Variants in WDR1 observed in about 807,000 individuals in gnomAD.
WDR1 encodes WD repeat domain 1, also known as WD repeat-containing protein 1.
In WDR1, 21 loss-of-function variants were observed where a neutral mutation model predicts 71.9. That is an observed-to-expected ratio of 0.29 (90% CI 0.21 to 0.42). WDR1 has a LOEUF of 0.42. WDR1 is among the 10% of genes least tolerant of loss of function. WDR1 has a pLI of 1.00. For synonymous variants in WDR1, 424 were observed against 347.4 expected (o/e 1.22, Z -2.45); for missense variants, 696 against 824.5 (o/e 0.84, Z 1.91).
At chr4:10,083,430 C>G (rs1440576996) in intron 9 of WDR1, among the ~76,000 whole-genome samples, 1 of 152,190 alleles carries the variant, frequency 6.6e-6, no homozygotes, top group Admixed American at 6.5e-5. Flanking sequence ...TACTGGGGAC[C>G]AGCAAGCTGG....
intron 3 of WDR1, 29 bp from the exon 4 acceptor site, chr4:10,099,168 GGGAGGCGGTGGT>G: frequency 2.3e-6 from 3 of 1,313,446 alleles, no homozygotes; most frequent in Admixed American, 2.0e-5. Flanking sequence ...GGGGGAGGGG[GGGAGGCGGTGGT>G]GGGGTAAAGG....
At chr4:10,088,640 C>T in intron 6 of WDR1, 24 bp downstream of exon 6, 14 of 1,583,800 alleles carry the variant, frequency 8.8e-6, no homozygotes, top group Non-Finnish European at 1.2e-5. Flanking sequence ...CATTCCCCAC[C>T]CCAAAACCCA....
chr4:10,078,208 A>G (rs1483425894), intron 12 of WDR1, among the ~76,000 whole-genome samples: 1 of 152,172 alleles, frequency 6.6e-6, no homozygotes, highest in Non-Finnish European at 1.5e-5. Flanking sequence ...CACATCCGGC[A>G]CCTGAAGGAC....
chr4:10,116,120 T>G lies in WDR1; in HGVS notation c.131A>C (p.Asn44Thr). 6.2e-7 allele frequency: 1 copy of G among 1,613,032 alleles called. No homozygotes were observed. Among genetic ancestry groups the G allele is most frequent in the Non-Finnish European group, 8.5e-7 (1 of 1,179,446 alleles). Residue 44 changes from asparagine (N) to threonine (T), a missense_variant, in exon 2 of 15, where the codon AAC becomes ACC. Asn to Thr is a moderately conservative substitution (Grantham distance 65, BLOSUM62 0). Transcript: ENST00000499869. ...GGGGTAGGGGGTACTCACGTCGATG[T>G]TCCTTAGGATGACGCACTTTCCATT... is the stretch of plus-strand genomic sequence containing the variant. ...YTNGKCVILR[N>T]IDNPALADIY...
At chr4:10,113,111 T>G (rs1236495510) in intron 2 of WDR1, among the ~76,000 whole-genome samples, 1 of 152,130 alleles carries the variant, frequency 6.6e-6, no homozygotes, top group East Asian at 1.9e-4. Context: ...TCCCAGGACT[T>G]TGGGAGGCCA....
At chr4:10,077,123 G>A (rs957447957) in intron 14 of WDR1, 181 bp downstream of exon 14, 15 of 896,926 alleles carry the variant, frequency 1.7e-5, no homozygotes, top group Non-Finnish European at 2.3e-5. Flanking sequence ...CCCTCAGTAC[G>A]GCCAGCAGCG....
chr4:10,084,109 G>A (rs1169539388), intron 9 of WDR1, among the ~76,000 whole-genome samples: 2 of 152,218 alleles, frequency 1.3e-5, no homozygotes, highest in African/African-American at 2.4e-5. Context: ...CAAGGCTGGC[G>A]CCAGGTGCCA....
rs745547154 is a variant in WDR1, at chr4:10,103,861, C to A, written c.229+35G>T. 1.9e-6 allele frequency: 3 copies of A among 1,552,442 alleles called. No homozygotes were observed. In the South Asian group the frequency reaches 3.6e-5, roughly 18 times the overall value. On this transcript the variant is annotated intron_variant, in intron 3 of 14. Transcript: ENST00000499869. Reference sequence around the variant, plus strand: ...GGGCCCTGAGCGCCACCCAGGCCCCCACAGGTGTCCACGAGCCTTGCCCCC... The same window carrying A: ...GGGCCCTGAGCGCCACCCAGGCCCCAACAGGTGTCCACGAGCCTTGCCCCC...
rs1280884971 is a variant in WDR1 at position 10,103,932 on chromosome 4, T to C, written c.193A>G (p.Lys65Glu). 2 of 1,601,940 alleles carry C rather than the reference T, an allele frequency of 1.2e-6. No homozygotes were observed. Among genetic ancestry groups the C allele is most frequent in the Non-Finnish European group, 1.7e-6 (2 of 1,174,598 alleles). ...ATGTAGAATCCGCTGGGCGCATACTTGGCCACCACCACCTGATGGGCGTGC... is the reference window on the plus strand; with the variant it reads ...ATGTAGAATCCGCTGGGCGCATACTCGGCCACCACCACCTGATGGGCGTGC... The part of the protein sequence containing the change: ...TEHAHQVVVA[K>E]YAPSGFYIAS... The change falls in exon 3 of 15, where the codon AAG (lysine) becomes GAG (glutamate). Residue 65 changes from lysine (K) to glutamate (E), a missense_variant. By Grantham distance (56) the Lys-to-Glu change is moderately conservative. Coordinates refer to ENST00000499869, the MANE Select transcript of WDR1 (RefSeq NM_017491.5).
chr4:10,102,657 G>C (rs886229526), intron 3 of WDR1, among the ~76,000 whole-genome samples: 1 of 152,214 alleles, frequency 6.6e-6, no homozygotes. Context: ...GCACAAAGCA[G>C]AGTAAGACAG....
intron 11 of WDR1, 121 bp from the exon 12 acceptor site, chr4:10,079,122 T>G (rs777509579): frequency 2.2e-4 from 157 of 705,244 alleles, no homozygotes; most frequent in Non-Finnish European, 3.2e-4. Context: ...ATACCCAACC[T>G]CTTTGCAGGG....
chr4:10,088,463 G>A (rs538822115), intron 6 of WDR1, 90 bp from the exon 7 acceptor site: 23 of 1,339,566 alleles, frequency 1.7e-5, no homozygotes, highest in African/African-American at 2.9e-5. Context: ...GTAGAAAACC[G>A]GGGCTCACAG....
rs199904438 is a variant in WDR1 at position 10,084,439 on chromosome 4, A to G, written c.1039+4T>C. ...CGGAGCCAGCTCTTTGAGTCAAAGG[A>G]TATTAATGTGTCCGTCGTGGCTCCC... is the stretch of plus-strand genomic sequence containing the variant. On this transcript the variant is annotated splice_donor_region_variant and intron_variant, in intron 9 of 14. Coordinates refer to ENST00000499869, the MANE Select transcript of WDR1 (RefSeq NM_017491.5). 375 of 1,613,242 alleles carry G rather than the reference A, an allele frequency of 2.3e-4. No individual in the cohort carries two copies. Among genetic ancestry groups the G allele is most frequent in the Middle Eastern group, 1.6e-4 (1 of 6,078 alleles).
At position 10,094,510 on chromosome 4, in the gene WDR1, G is replaced by C. The variant is rs2278121; in HGVS notation, c.558+3201C>G. On this transcript the variant is annotated intron_variant, in intron 5 of 14. Transcript: ENST00000499869. ...CCCATGGGTGAGATGGGGGAAGGCA[G>C]GGAGATGGTCTCGCCACCCTCCCTT... 6.6e-5 allele frequency among the ~76,000 whole-genome samples: 10 copies of C among 152,122 alleles called. No individual in the cohort carries two copies. The South Asian group carries it at 2.1e-3, about 31-fold the overall frequency.
At chr4:10,111,122 T>TA (rs1713327350) in intron 2 of WDR1, among the ~76,000 whole-genome samples, 1 of 152,202 alleles carries the variant, frequency 6.6e-6, no homozygotes, top group Non-Finnish European at 1.5e-5. Flanking sequence ...CTCCTTACCG[T>TA]AGGCTGGATC....
chr4:10,116,735 C>A lies in WDR1; in HGVS notation c.-69G>T. The A allele has an allele frequency of 7.8e-7, 1 of 1,284,852 alleles. No homozygotes were observed. The highest frequency in any genetic ancestry group is 9.9e-7 in the Non-Finnish European group (1 of 1,014,088). 79.6% of individuals were successfully genotyped at this position (1,284,852 alleles called of 1,614,324 possible). A position where few individuals can be genotyped will look rare whatever the true frequency, so the allele number is the denominator to read the frequency against. ...GGGCCGGCCCGCGCTGCGAATTACA[C>A]CTCGCCGAGGCCGAGCCCGGGGACT... On this transcript the variant is annotated 5_prime_UTR_variant, in exon 1 of 15. Transcript: ENST00000499869.
In WDR1 at chr4:10,075,247, C is replaced by T. The variant is rs907602748; in HGVS notation, c.*131G>A. ...CACCCTGCAGAGACGAGGGTCATGA[C>T]TGGGCCCTCCTGCCTCTTGTGGTGG... On this transcript the variant is annotated 3_prime_UTR_variant, in exon 15 of 15. Coordinates refer to ENST00000499869, the MANE Select transcript of WDR1 (RefSeq NM_017491.5). 2.7e-6 allele frequency: 2 copies of T among 732,636 alleles called. No homozygotes were observed. The highest frequency in any genetic ancestry group is 4.3e-5 in the Admixed American group (2 of 46,826). 45.4% of individuals were successfully genotyped at this position (732,636 alleles called of 1,614,324 possible).
rs566937988 is a variant in WDR1 at position 10,079,403 on chromosome 4, C to T, written c.1285-402G>A. ...AGCGCTCTGCTGTGAGTGTTCCAGC[C>T]CCACAAGGCAGGGATCGGGTTCCCC... On this transcript the variant is annotated intron_variant, in intron 11 of 14. Coordinates refer to ENST00000499869, the MANE Select transcript of WDR1 (RefSeq NM_017491.5). Among the ~76,000 whole-genome samples the T allele has an allele frequency of 1.4e-4, 22 of 152,374 alleles. No homozygotes were observed. The East Asian group carries it at 4.0e-3, about 28-fold the overall frequency.
intron 8 of WDR1, among the ~76,000 whole-genome samples, 192 bp from the exon 9 acceptor site, chr4:10,084,722 T>C (rs554348998): frequency 6.6e-6 from 1 of 152,064 alleles, no homozygotes; most frequent in Non-Finnish European, 1.5e-5. Context: ...AAGAAACCTT[T>C]CCAAAGCTAC....
Sources: gnomAD v4.1 joint callset for allele counts (sites outside exome capture counted in the v4.1 genomes callset) on GRCh38, gnomAD v4.1.1 for gene constraint, MANE v1.5 for transcripts, NCBI Gene and HGNC (gene_info 2026-07-23, HGNC 2026-07-21) for gene names.